Variants in ALOX5AP observed in about 807,000 individuals in gnomAD.
ALOX5AP encodes arachidonate 5-lipoxygenase activating protein.
In ALOX5AP, 9 loss-of-function variants were observed where a neutral mutation model predicts 18.5. That is an observed-to-expected ratio of 0.49 (90% confidence interval 0.29 to 0.85). ALOX5AP has a LOEUF of 0.85. Among genes scored for constraint, ALOX5AP ranks in the 40% least tolerant of loss-of-function variants. ALOX5AP has a pLI of 0.08. For synonymous variants in ALOX5AP, 81 were observed against 78.6 expected (o/e 1.03, Z -0.16); for missense variants, 172 against 202.5 (o/e 0.85, Z 0.91).
intron 2 of ALOX5AP, among the ~76,000 whole-genome samples, chr13:30,744,798 CT>C (rs1317494668): frequency 6.6e-6 from 1 of 152,216 alleles, no homozygotes; most frequent in Non-Finnish European, 1.5e-5. Flanking sequence ...TATTCAAATG[CT>C]CCTCTCTTCT....
chr13:30,726,563 T>C (rs1951640940), intron 1 of ALOX5AP, among the ~76,000 whole-genome samples: 1 of 152,206 alleles, frequency 6.6e-6, no homozygotes, highest in Non-Finnish European at 1.5e-5. Context: ...GAATATAGAA[T>C]GAGTAGTGGA....
At chr13:30,755,161 G>T (rs1423137259) in intron 3 of ALOX5AP, among the ~76,000 whole-genome samples, 2 of 152,094 alleles carry the variant, frequency 1.3e-5, no homozygotes, top group Non-Finnish European at 2.9e-5. Context: ...CAAAAGGCTA[G>T]AACGCAGAGG....
rs1555253786 is a variant in ALOX5AP at position 30,713,841 on chromosome 13, G to GGTAT, written c.116+2_116+3insATGT. The GGTAT allele has an allele frequency of 5.4e-5, 78 of 1,438,094 alleles. No homozygotes were observed. Among genetic ancestry groups the GGTAT allele is most frequent in the Non-Finnish European group, 6.6e-5 (71 of 1,083,108 alleles). The allele number at this position is 1,438,094 out of a possible 1,614,324, so 89.1% of individuals were successfully genotyped here. On this transcript the variant is annotated frameshift_variant and splice_region_variant. Transcript: ENST00000617770. LOFTEE classifies it high-confidence loss of function. Reference sequence around the variant, plus strand: ...ATTGGGAACATAAGCCATCAGTGCTGGTGTGTGTGTGTGTGCGCGCACACG... The same window carrying GGTAT: ...ATTGGGAACATAAGCCATCAGTGCTGGTATGTGTGTGTGTGTGTGCGCGCACACG...
At chr13:30,740,585 A>T (rs1241581033) in intron 1 of ALOX5AP, among the ~76,000 whole-genome samples, 1 of 152,064 alleles carries the variant, frequency 6.6e-6, no homozygotes, top group East Asian at 1.9e-4. Context: ...GAGGTTGGGG[A>T]GTGAGGGGGC....
Position 30,753,684 on chromosome 13 carries a change from A to G in ALOX5AP, c.241+1562A>G, listed in dbSNP as rs899783056. ...AGTCCCAGAGGAACAAGTGGCTTGAACGAACATCAGAATTTTAGGGGCTGG... is the reference window on the plus strand; with the variant it reads ...AGTCCCAGAGGAACAAGTGGCTTGAGCGAACATCAGAATTTTAGGGGCTGG... On this transcript the variant is annotated intron_variant, in intron 3 of 4. Transcript: ENST00000380490. 2.0e-5 allele frequency among the ~76,000 whole-genome samples: 3 copies of G among 152,210 alleles called. No homozygotes were observed. In the South Asian group the frequency reaches 6.2e-4, roughly 32 times the overall value.
intron 1 of ALOX5AP, among the ~76,000 whole-genome samples, chr13:30,721,327 G>A (rs528267895): frequency 1.8e-4 from 28 of 152,290 alleles, no homozygotes; most frequent in African/African-American, 6.5e-4. Context: ...GAGAACTTCA[G>A]CAACGTTCCC....
intron 1 of ALOX5AP, among the ~76,000 whole-genome samples, chr13:30,718,214 C>T (rs1266188533): frequency 6.6e-6 from 1 of 151,816 alleles, no homozygotes; most frequent in Non-Finnish European, 1.5e-5. Context: ...TTGCCTCAGC[C>T]TCCCAAAGTG....
At chr13:30,733,326 T>G (rs114299541), upstream of ALOX5AP, among the ~76,000 whole-genome samples, 180 of 152,370 alleles carry the variant, frequency 1.2e-3, 1 homozygote, top group African/African-American at 4.2e-3. Flanking sequence ...GAGCTAAGTT[T>G]CTATTGCTTG....
At chr13:30,721,213 A>G (rs756693793) in intron 1 of ALOX5AP, among the ~76,000 whole-genome samples, 1 of 152,162 alleles carries the variant, frequency 6.6e-6, no homozygotes, top group Non-Finnish European at 1.5e-5. Context: ...ATCTGCATCA[A>G]GTCTAATTTT....
intron 1 of ALOX5AP, among the ~76,000 whole-genome samples, chr13:30,714,373 A>C (rs1268677348): frequency 6.6e-6 from 1 of 151,994 alleles, no homozygotes; most frequent in South Asian, 2.1e-4. Context: ...AGGGTTTCCC[A>C]GTCTGAGGGT....
At chr13:30,758,527 G>A (rs1260783825) in intron 4 of ALOX5AP, among the ~76,000 whole-genome samples, 4 of 152,154 alleles carry the variant, frequency 2.6e-5, no homozygotes, top group Non-Finnish European at 5.9e-5. Context: ...TGATCCAGTG[G>A]GTAGGGAAGA....
At chr13:30,726,064 G>A (rs755660745) in intron 1 of ALOX5AP, among the ~76,000 whole-genome samples, 4 of 152,150 alleles carry the variant, frequency 2.6e-5, no homozygotes, top group Non-Finnish European at 4.4e-5. Context: ...CCTGGTGTTC[G>A]GGTAGTAATT....
intron 1 of ALOX5AP, among the ~76,000 whole-genome samples, chr13:30,716,700 C>T (rs1172509550): frequency 6.6e-6 from 1 of 152,212 alleles, no homozygotes; most frequent in African/African-American, 2.4e-5. Context: ...CCACAAAACA[C>T]TATCCTGACT....
upstream of ALOX5AP, among the ~76,000 whole-genome samples, chr13:30,731,832 G>A (rs781257950): frequency 1.6e-4 from 25 of 152,248 alleles, no homozygotes; most frequent in Admixed American, 3.3e-4. Context: ...CAGCGGCTCC[G>A]GATTCTGGGC....
chr13:30,717,252 T>C (rs542701817), intron 1 of ALOX5AP, among the ~76,000 whole-genome samples: 2 of 152,242 alleles, frequency 1.3e-5, no homozygotes, highest in Non-Finnish European at 2.9e-5. Context: ...AATTCTTTAT[T>C]ACTGTTTTTG....
At chr13:30,715,105 C>T (rs926007832) in intron 1 of ALOX5AP, among the ~76,000 whole-genome samples, 4 of 152,126 alleles carry the variant, frequency 2.6e-5, no homozygotes, top group Admixed American at 6.5e-5. Flanking sequence ...GCTTGAGTCC[C>T]CTGGTCATTC....
At chr13:30,749,160 G>A (rs1182424186) in intron 2 of ALOX5AP, among the ~76,000 whole-genome samples, 2 of 152,214 alleles carry the variant, frequency 1.3e-5, no homozygotes, top group African/African-American at 4.8e-5. Context: ...TATTAGGAAC[G>A]AAGGTGACTT....
Position 30,726,605 on chromosome 13 carries a change from C to A in ALOX5AP, c.117-8946C>A, listed in dbSNP as rs982066739. The stretch of plus-strand genomic sequence containing the variant: ...TTATAAATGTAAGTCAAAAACCACA[C>A]AACCAATTTGAGAAATGAGGAAGGT... On this transcript the variant is annotated intron_variant, in intron 1 of 5. Transcript: ENST00000617770. Among the ~76,000 whole-genome samples, 3 of 152,342 alleles carry A rather than the reference C, an allele frequency of 2.0e-5. No homozygotes were observed. The South Asian group carries it at 6.2e-4, about 32-fold the overall frequency.
At chr13:30,714,078 T>A (rs951710037) in intron 1 of ALOX5AP, among the ~76,000 whole-genome samples, 14 of 152,100 alleles carry the variant, frequency 9.2e-5, no homozygotes, top group African/African-American at 3.4e-4. Context: ...ACTCCTAGCA[T>A]ACACTAAAGG....
Sources: allele counts gnomAD v4.1 joint callset (sites outside exome capture counted in the v4.1 genomes callset), GRCh38; gene constraint gnomAD v4.1.1; transcripts MANE v1.5; gene names NCBI Gene and HGNC (gene_info 2026-07-23, HGNC 2026-07-21).